The following SNTB2 variants were observed in gnomAD, a reference collection of about 807,000 sequenced individuals.
The protein encoded by SNTB2 is beta-2-syntrophin.
In SNTB2, 34 loss-of-function variants were observed where a neutral mutation model predicts 46.2. That is an observed-to-expected ratio of 0.74 (90% CI 0.56 to 0.98). SNTB2 has a LOEUF of 0.98. SNTB2 is among the 50% of genes least tolerant of loss of function. SNTB2 has a pLI of 0.00. For missense variants in SNTB2, 603 were observed against 731.4 expected (o/e 0.82, Z 2.02); for synonymous variants, 290 against 312.6 (o/e 0.93, Z 0.76).
intron 4 of SNTB2, among the ~76,000 whole-genome samples, chr16:69,271,606 T>C (rs1964938411): frequency 6.6e-6 from 1 of 152,188 alleles, no homozygotes; most frequent in Admixed American, 6.5e-5. Context: ...TACAAAAATA[T>C]GTAACCATGT....
At chr16:69,288,389 A>G (rs1407360177) in intron 5 of SNTB2, among the ~76,000 whole-genome samples, 1 of 152,210 alleles carries the variant, frequency 6.6e-6, no homozygotes, top group Non-Finnish European at 1.5e-5. Context: ...AATAGACAAA[A>G]GAAACATATT....
intron 1 of SNTB2, among the ~76,000 whole-genome samples, chr16:69,224,969 C>T (rs1274471640): frequency 6.6e-6 from 1 of 152,102 alleles, no homozygotes; most frequent in African/African-American, 2.4e-5. Flanking sequence ...TTAACTCTGA[C>T]GGTTCTGAGT....
At chr16:69,189,932 C>A (rs1332079341) in intron 1 of SNTB2, among the ~76,000 whole-genome samples, 2 of 152,184 alleles carry the variant, frequency 1.3e-5, no homozygotes, top group South Asian at 4.1e-4. Context: ...ACCTAACATG[C>A]AGGTTCTACT....
chr16:69,210,520 G>A (rs1964272630), intron 1 of SNTB2, among the ~76,000 whole-genome samples: 1 of 149,496 alleles, frequency 6.7e-6, no homozygotes, highest in Non-Finnish European at 1.5e-5. Flanking sequence ...TTACAGGCAT[G>A]AGCCACCGCG....
At chr16:69,245,882 A>T (rs1009926582) in intron 2 of SNTB2, 67 bp downstream of exon 2, 94 of 1,480,148 alleles carry the variant, frequency 6.4e-5, no homozygotes, top group Non-Finnish European at 6.4e-5. Context: ...TTGCAGTATT[A>T]TATGACTCTG....
At chr16:69,287,459 A>G (rs1207927492) in intron 5 of SNTB2, among the ~76,000 whole-genome samples, 2 of 151,970 alleles carry the variant, frequency 1.3e-5, no homozygotes, top group East Asian at 3.9e-4. Context: ...AATCCCAGCT[A>G]CTCAGGAGGC....
At chr16:69,260,665 G>A (rs1365465004) in intron 3 of SNTB2, among the ~76,000 whole-genome samples, 6 of 152,128 alleles carry the variant, frequency 3.9e-5, no homozygotes, top group Non-Finnish European at 5.9e-5. Context: ...AAAATGAATG[G>A]GTGTGACTGC....
intron 1 of SNTB2, among the ~76,000 whole-genome samples, chr16:69,206,963 C>T (rs1020466691): frequency 2.0e-5 from 3 of 151,582 alleles, no homozygotes; most frequent in African/African-American, 7.3e-5. Context: ...GATGGGGTTT[C>T]ACCATGTTGG....
At chr16:69,286,159 CCAGGCTGGTCT>C (rs1462103998) in intron 5 of SNTB2, among the ~76,000 whole-genome samples, 4 of 152,112 alleles carry the variant, frequency 2.6e-5, no homozygotes. Context: ...ACTGTGTTGC[CCAGGCTGGTCT>C]CAACTCCTGG....
intron 5 of SNTB2, among the ~76,000 whole-genome samples, chr16:69,298,940 A>G (rs904362885): frequency 5.3e-5 from 8 of 152,086 alleles, no homozygotes; most frequent in African/African-American, 1.9e-4. Flanking sequence ...GCCTTACACA[A>G]TTGGGGATTT....
intron 4 of SNTB2, among the ~76,000 whole-genome samples, chr16:69,282,861 T>C (rs1965063437): frequency 6.6e-6 from 1 of 152,212 alleles, no homozygotes; most frequent in Admixed American, 6.5e-5. Context: ...ACATAAATGG[T>C]ATGTTTTTAA....
chr16:69,268,517 T>C (rs1284332236), intron 3 of SNTB2, among the ~76,000 whole-genome samples: 1 of 151,772 alleles, frequency 6.6e-6, no homozygotes, highest in African/African-American at 2.4e-5. Flanking sequence ...TGGAACATAG[T>C]TTAAGTGTTT....
At chr16:69,202,568 A>AT (rs909471162) in intron 1 of SNTB2, among the ~76,000 whole-genome samples, 71 of 149,316 alleles carry the variant, frequency 4.8e-4, no homozygotes, top group African/African-American at 6.1e-4. Flanking sequence ...ACATTCAGTA[A>AT]TTTTTTTTTT....
intron 5 of SNTB2, among the ~76,000 whole-genome samples, chr16:69,299,373 CTT>C (rs1477445949): frequency 2.0e-5 from 3 of 152,100 alleles, no homozygotes; most frequent in African/African-American, 7.2e-5. Context: ...AAACCCCTGA[CTT>C]TGCGATCCGC....
At chr16:69,287,322 C>A (rs1965113566) in intron 5 of SNTB2, among the ~76,000 whole-genome samples, 1 of 152,090 alleles carries the variant, frequency 6.6e-6, no homozygotes, top group South Asian at 2.1e-4. Flanking sequence ...GTAATCCCAG[C>A]ACTTTGAGAG....
chr16:69,238,854 T>C (rs779988230), intron 1 of SNTB2, among the ~76,000 whole-genome samples: 8 of 152,212 alleles, frequency 5.3e-5, no homozygotes, highest in Non-Finnish European at 8.8e-5. Context: ...TTCCTGCTTT[T>C]GCCTTGGCCT....
chr16:69,304,170 G>A lies in SNTB2; in HGVS notation c.*3246G>A, dbSNP rs148612177. On this transcript the variant is annotated 3_prime_UTR_variant, in exon 7 of 7. Transcript: ENST00000336278. Reference sequence around the variant, plus strand: ...TTCAGTTTTTCTTTTTCTGAAAAAGGTAAGTCCTTTCCTGAAGTCATCAAA... The same window carrying A: ...TTCAGTTTTTCTTTTTCTGAAAAAGATAAGTCCTTTCCTGAAGTCATCAAA... 1.3e-5 allele frequency: 2 copies of A among 152,156 alleles called. No homozygotes were observed. The highest frequency in any genetic ancestry group is 3.8e-4 in the East Asian group (2 of 5,198). The allele number at this position is 152,156 out of a possible 1,614,324, so 9.4% of individuals were successfully genotyped here.
intron 5 of SNTB2, among the ~76,000 whole-genome samples, chr16:69,299,292 G>A (rs1291266663): frequency 2.0e-5 from 3 of 151,810 alleles, no homozygotes; most frequent in Non-Finnish European, 4.4e-5. Context: ...ACAGGCACCC[G>A]CCACCACACC....
At chr16:69,206,697 GAA>G (rs77462826) in intron 1 of SNTB2, among the ~76,000 whole-genome samples, 3 of 112,642 alleles carry the variant, frequency 2.7e-5, no homozygotes, top group African/African-American at 9.8e-5. Flanking sequence ...ATCTCAGAAA[GAA>G]AAAAAAAAAA....
Sources: allele counts gnomAD v4.1 joint callset (sites outside exome capture counted in the v4.1 genomes callset), GRCh38; gene constraint gnomAD v4.1.1; transcripts MANE v1.5; gene names NCBI Gene and HGNC (gene_info 2026-07-23, HGNC 2026-07-21).